Variants in PARD3 observed in about 807,000 individuals in gnomAD.
PARD3 encodes the protein partitioning defective 3 homolog.
PARD3 carries 75 observed loss-of-function variants against 155.4 expected under a neutral mutation model. That is an observed-to-expected ratio of 0.48 (90% CI 0.40 to 0.58). PARD3 has a LOEUF of 0.58. Ranked by LOEUF, PARD3 falls within the 20% of genes least tolerant of loss-of-function variation. PARD3 has a pLI of 0.00. For synonymous variants in PARD3, 576 were observed against 610.5 expected, an observed-to-expected ratio of 0.94 and a Z score of 0.83; for missense variants, 1,642 against 1,721.7, an observed-to-expected ratio of 0.95 and a Z score of 0.82.
Position 34,337,304 on chromosome 10 carries a change from G to A in PARD3, c.2531C>T (p.Thr844Ile). ...TAAATCCATGCTTTTTGATTTTCGT[G>A]TTTTAACGAAATCCAATTGACTGGC... ...SDASQLDFVK[T>I]RKSKSMDLGI... Residue 844 changes from threonine to isoleucine, a missense_variant, in exon 17 of 25, where the codon ACA becomes ATA. Thr to Ile is a moderately conservative substitution (Grantham distance 89, BLOSUM62 -1). Coordinates refer to ENST00000374788, the MANE Select transcript of PARD3 (RefSeq NM_001184785.2). 6.3e-7 allele frequency: 1 copy of A among 1,599,048 alleles called. No individual in the cohort carries two copies. Among genetic ancestry groups the A allele is most frequent in the East Asian group, 2.3e-5 (1 of 43,846 alleles).
At position 34,174,119 on chromosome 10, in the gene PARD3, G is replaced by C. The variant is rs538909563; in HGVS notation, c.3420-42536C>G. On this transcript the variant is annotated intron_variant, in intron 22 of 24. Transcript: ENST00000374788. Reference sequence around the variant, plus strand: ...TGTCAGGGATGTCACCAAGCATAACGATGCTTCATTAGGAAAATGTACTTC... The same window carrying C: ...TGTCAGGGATGTCACCAAGCATAACCATGCTTCATTAGGAAAATGTACTTC... Among the ~76,000 whole-genome samples, 5 of 152,276 alleles carry C rather than the reference G, an allele frequency of 3.3e-5. No individual in the cohort carries two copies. In the South Asian group the frequency reaches 8.3e-4, roughly 25 times the overall value.
chr10:34,167,179 A>C (rs943105336), intron 22 of PARD3, among the ~76,000 whole-genome samples: 1 of 152,194 alleles, frequency 6.6e-6, no homozygotes, highest in Admixed American at 6.5e-5. Context: ...CACAATGACC[A>C]ACTATATGCT....
intron 1 of PARD3, among the ~76,000 whole-genome samples, chr10:34,757,178 T>A (rs1836848404): frequency 1.3e-5 from 2 of 152,326 alleles, no homozygotes; most frequent in East Asian, 3.9e-4. Context: ...ACATCTAAAA[T>A]ACATATTTCC....
chr10:34,364,517 A>C (rs1168724018), intron 12 of PARD3, among the ~76,000 whole-genome samples: 1 of 151,464 alleles, frequency 6.6e-6, no homozygotes, highest in African/African-American at 2.4e-5. Flanking sequence ...ATAACCTTGA[A>C]CTCCTGGACT....
At chr10:34,621,780 A>G (rs61309482) in intron 2 of PARD3, among the ~76,000 whole-genome samples, 17 of 152,322 alleles carry the variant, frequency 1.1e-4, no homozygotes, top group African/African-American at 3.8e-4. Context: ...AGATTTTACA[A>G]TTTTTTAAAT....
chr10:34,433,556 G>T (rs936878036), intron 5 of PARD3, among the ~76,000 whole-genome samples: 2 of 152,088 alleles, frequency 1.3e-5, no homozygotes, highest in African/African-American at 4.8e-5. Flanking sequence ...AGGAAAATTA[G>T]TCCCCCAAGG....
At position 34,217,831 on chromosome 10, in the gene PARD3, T is replaced by G. The variant is rs1389430508; in HGVS notation, c.3419+51826A>C. ...GAACAAGACAGGCAGGATTCCTCCC[T>G]CTGCGACTCTAAAGAGGGAGGTAGA... On this transcript the variant is annotated intron_variant, in intron 22 of 24. Coordinates refer to ENST00000374788, the MANE Select transcript of PARD3 (RefSeq NM_001184785.2). 3.3e-5 allele frequency among the ~76,000 whole-genome samples: 5 copies of G among 152,150 alleles called. No homozygotes were observed. The East Asian group carries it at 7.7e-4, about 23-fold the overall frequency.
chr10:34,323,360 G>A (rs1462254845), intron 19 of PARD3, among the ~76,000 whole-genome samples: 1 of 151,226 alleles, frequency 6.6e-6, no homozygotes, highest in East Asian at 1.9e-4. Context: ...CACACACAAA[G>A]CTGGCATGAA....
At chr10:34,508,663 T>C (rs2081226988) in intron 3 of PARD3, among the ~76,000 whole-genome samples, 1 of 152,208 alleles carries the variant, frequency 6.6e-6, no homozygotes. Context: ...TTTGTTAATA[T>C]TGAAAATAAA....
At position 34,551,620 on chromosome 10, in the gene PARD3, C is replaced by G. The variant is rs978112359; in HGVS notation, c.223-34461G>C. Among the ~76,000 whole-genome samples the G allele has an allele frequency of 7.2e-5, 11 of 152,266 alleles. 1 individual carries two copies. The highest frequency in any genetic ancestry group is 2.6e-4 in the Admixed American group (4 of 15,296). ...GGGACCAAAACTAAGCGAGAAGAAT[C>G]CAGGCAGGGGCAATAACGGGGTGTC... On this transcript the variant is annotated intron_variant, in intron 2 of 24. Transcript: ENST00000374788.
At chr10:34,325,988 G>A (rs1245460678) in intron 19 of PARD3, among the ~76,000 whole-genome samples, 2 of 152,018 alleles carry the variant, frequency 1.3e-5, no homozygotes. Flanking sequence ...GGGCATGGTG[G>A]CACATTCCTG....
intron 2 of PARD3, among the ~76,000 whole-genome samples, chr10:34,555,194 G>C (rs2084891807): frequency 6.6e-6 from 1 of 152,190 alleles, no homozygotes; most frequent in South Asian, 2.1e-4. Flanking sequence ...TGTTAATGAG[G>C]AGGCTATGCA....
intron 14 of PARD3, among the ~76,000 whole-genome samples, chr10:34,349,584 A>AAAAG (rs1837809915): frequency 1.4e-5 from 1 of 73,198 alleles, no homozygotes; most frequent in African/African-American, 3.8e-5. Context: ...GGAAAGTAAA[A>AAAAG]AAAAAAAAAA....
At chr10:34,453,568 T>C (rs943198064) in intron 4 of PARD3, among the ~76,000 whole-genome samples, 1 of 152,224 alleles carries the variant, frequency 6.6e-6, no homozygotes, top group Non-Finnish European at 1.5e-5. Flanking sequence ...GTTTTAAAAA[T>C]TGTTTAGGGA....
chr10:34,450,912 C>T (rs576126698), intron 4 of PARD3, among the ~76,000 whole-genome samples: 23 of 152,202 alleles, frequency 1.5e-4, no homozygotes, highest in African/African-American at 5.1e-4. Flanking sequence ...TTCTTCAAAG[C>T]CTTATGGTTT....
chr10:34,260,069 G>A (rs1022531868), intron 22 of PARD3, among the ~76,000 whole-genome samples: 10 of 152,114 alleles, frequency 6.6e-5, no homozygotes, highest in Admixed American at 3.9e-4. Context: ...CGAACTCCTG[G>A]GCTCAAGCAA....
chr10:34,675,952 G>A (rs1471380173), intron 2 of PARD3: 3 of 160,440 alleles, frequency 1.9e-5, no homozygotes, highest in East Asian at 3.1e-4. Flanking sequence ...CATGTGCTGG[G>A]CCATCATGGA....
chr10:34,365,776 C>T (rs1328654018), intron 12 of PARD3, among the ~76,000 whole-genome samples: 3 of 152,086 alleles, frequency 2.0e-5, no homozygotes. Flanking sequence ...TTAGTAGAGA[C>T]AGGGTTTCGC....
At chr10:34,785,107 A>T (rs1840784149) in intron 1 of PARD3, among the ~76,000 whole-genome samples, 1 of 152,236 alleles carries the variant, frequency 6.6e-6, no homozygotes, top group South Asian at 2.1e-4. Flanking sequence ...CTACTAGACA[A>T]AGAGTTCTAA....
Sources: gnomAD v4.1 joint callset for allele counts (sites outside exome capture counted in the v4.1 genomes callset) on GRCh38, gnomAD v4.1.1 for gene constraint, MANE v1.5 for transcripts, NCBI Gene and HGNC (gene_info 2026-07-23, HGNC 2026-07-21) for gene names.